CAMK2B: variants seen among roughly 807,000 people sequenced by gnomAD.
CAMK2B encodes the protein calcium/calmodulin-dependent protein kinase type II subunit beta.
Under a neutral mutation model 93.7 loss-of-function variants are expected in CAMK2B, and 27 were observed. That is an observed-to-expected ratio of 0.29 (90% CI 0.21 to 0.40). The LOEUF (loss-of-function observed/expected upper bound fraction) is 0.40. CAMK2B is among the 10% of genes least tolerant of loss of function. CAMK2B has a pLI of 1.00. For missense variants in CAMK2B, 568 were observed against 895.8 expected (o/e 0.63, Z 4.67); for synonymous variants, 374 against 358.8 (o/e 1.04, Z -0.48).
At chr7:44,290,975 T>C (rs867250218) in intron 1 of CAMK2B, among the ~76,000 whole-genome samples, 2 of 152,124 alleles carry the variant, frequency 1.3e-5, no homozygotes, top group African/African-American at 2.4e-5. Context: ...GTAGGGCCCA[T>C]TGATGTTTGG....
At position 44,231,060 on chromosome 7, in the gene CAMK2B, G is replaced by GA; in HGVS notation, c.1177-7dup. The GA allele has an allele frequency of 6.5e-7, 1 of 1,534,948 alleles. No homozygotes were observed. The highest frequency in any genetic ancestry group is 8.8e-7 in the Non-Finnish European group (1 of 1,137,078). ...TTGGCACTGTCAGAAGACTCCTGAGGAAACACGGGAGGCAGCGGGTCAGGA... is the reference window on the plus strand; with the variant it reads ...TTGGCACTGTCAGAAGACTCCTGAGGAAAACACGGGAGGCAGCGGGTCAGGA... On this transcript the variant is annotated splice_polypyrimidine_tract_variant and splice_region_variant and intron_variant, in intron 16 of 23. Transcript: ENST00000395749.
intron 1 of CAMK2B, among the ~76,000 whole-genome samples, chr7:44,293,361 C>T (rs1667596698): frequency 1.3e-5 from 2 of 152,150 alleles, no homozygotes; most frequent in African/African-American, 2.4e-5. Flanking sequence ...CCCCATATGC[C>T]CTGGTGAGGT....
At chr7:44,233,309 T>C (rs2096597132) in intron 15 of CAMK2B, among the ~76,000 whole-genome samples, 1 of 152,018 alleles carries the variant, frequency 6.6e-6, no homozygotes, top group African/African-American at 2.4e-5. Flanking sequence ...GGGTCCGAGA[T>C]GGGGCTGGCT....
At chr7:44,228,496 C>T (rs1275040485) in intron 19 of CAMK2B, among the ~76,000 whole-genome samples, 1 of 152,006 alleles carries the variant, frequency 6.6e-6, no homozygotes, top group East Asian at 1.9e-4. Flanking sequence ...CTCGGAGGGG[C>T]CAGGGCTGCC....
chr7:44,240,253 C>T (rs1206764773), intron 12 of CAMK2B, among the ~76,000 whole-genome samples: 2 of 152,190 alleles, frequency 1.3e-5, no homozygotes, highest in African/African-American at 4.8e-5. Flanking sequence ...CCTGAGCAGC[C>T]GGGACAGGAG....
intron 1 of CAMK2B, among the ~76,000 whole-genome samples, chr7:44,323,517 T>C (rs1416454304): frequency 1.3e-5 from 2 of 152,156 alleles, no homozygotes; most frequent in African/African-American, 4.8e-5. Context: ...CCAGCTGCGC[T>C]GGAATCGGAG....
intron 2 of CAMK2B, among the ~76,000 whole-genome samples, chr7:44,265,685 G>A (rs567287899): frequency 6.6e-6 from 1 of 152,174 alleles, no homozygotes; most frequent in South Asian, 2.1e-4. Flanking sequence ...ACCTATTCCT[G>A]AGCATGTGTT....
chr7:44,254,520 A>G (rs1219341385), intron 5 of CAMK2B, 22 bp downstream of exon 5: 4 of 1,582,922 alleles, frequency 2.5e-6, no homozygotes, highest in Non-Finnish European at 2.6e-6. Context: ...GGGACAGGAC[A>G]GCGTGAGGGC....
At chr7:44,295,717 C>T (rs779558251) in intron 1 of CAMK2B, among the ~76,000 whole-genome samples, 3 of 152,216 alleles carry the variant, frequency 2.0e-5, no homozygotes, top group Non-Finnish European at 2.9e-5. Context: ...AAATATGCCA[C>T]GGCGTTCTGT....
chr7:44,222,454 T>G (rs2003563), intron 20 of CAMK2B, among the ~76,000 whole-genome samples: 8,280 of 151,874 alleles, frequency 0.055, 278 homozygotes, highest in East Asian at 0.086. Context: ...TTTTTTTTTT[T>G]AGATGGAGTC....
intron 2 of CAMK2B, among the ~76,000 whole-genome samples, chr7:44,281,263 CAG>C (rs1377961444): frequency 5.3e-5 from 8 of 152,254 alleles, no homozygotes; most frequent in African/African-American, 1.9e-4. Flanking sequence ...TGCCAGGACT[CAG>C]GGTCCAGCGG....
intron 3 of CAMK2B, among the ~76,000 whole-genome samples, chr7:44,260,499 C>T (rs1286230454): frequency 6.6e-6 from 1 of 152,218 alleles, no homozygotes; most frequent in Non-Finnish European, 1.5e-5. Context: ...CAGCCCCTGC[C>T]ACTTGCACTG....
intron 2 of CAMK2B, among the ~76,000 whole-genome samples, chr7:44,274,305 G>A (rs537330029): frequency 2.6e-4 from 40 of 152,176 alleles, no homozygotes; most frequent in Non-Finnish European, 4.7e-4. Flanking sequence ...ACAGAGGACC[G>A]TGGCTGCCCA....
intron 1 of CAMK2B, among the ~76,000 whole-genome samples, chr7:44,285,860 G>C (rs1310487844): frequency 1.1e-4 from 10 of 93,796 alleles, no homozygotes; most frequent in Non-Finnish European, 2.0e-4. Context: ...GACACGGCGT[G>C]GGGGGCGCGG....
intron 18 of CAMK2B, 85 bp from the exon 19 acceptor site, chr7:44,229,009 C>CTAGAACACGGGACCCCT: frequency 7.6e-7 from 1 of 1,322,764 alleles, no homozygotes; most frequent in Non-Finnish European, 1.1e-6. Context: ...TGGGAGGGGT[C>CTAGAACACGGGACCCCT]CCGTGTTCTA....
At chr7:44,237,011 G>A (rs73317732) in intron 13 of CAMK2B, among the ~76,000 whole-genome samples, 2,049 of 152,354 alleles carry the variant, frequency 0.013, 40 homozygotes, top group African/African-American at 0.047. Context: ...TGAAGCAGGC[G>A]GTTTCAGAAG....
intron 3 of CAMK2B, among the ~76,000 whole-genome samples, chr7:44,261,656 C>A (rs1023725576): frequency 6.7e-6 from 1 of 149,848 alleles, no homozygotes; most frequent in Non-Finnish European, 1.5e-5. Flanking sequence ...TAAAAAAAAA[C>A]ATTTTTAACT....
At chr7:44,227,762 ACAG>A (rs2128903592) in intron 19 of CAMK2B, among the ~76,000 whole-genome samples, 3 of 6,136 alleles carry the variant, frequency 4.9e-4, no homozygotes, top group East Asian at 9.6e-3. Context: ...GGTGTGGGGG[ACAG>A]AGGGAGAGTC....
At chr7:44,318,128 G>A (rs1795253985) in intron 1 of CAMK2B, among the ~76,000 whole-genome samples, 1 of 152,150 alleles carries the variant, frequency 6.6e-6, no homozygotes, top group African/African-American at 2.4e-5. Context: ...CTAATGGCCT[G>A]GATCAAACTC....
Sources: allele counts gnomAD v4.1 joint callset (sites outside exome capture counted in the v4.1 genomes callset), GRCh38; gene constraint gnomAD v4.1.1; transcripts MANE v1.5; gene names NCBI Gene and HGNC (gene_info 2026-07-23, HGNC 2026-07-21).